The following TPCN2 variants were observed in gnomAD, a reference collection of about 807,000 sequenced individuals.
The protein encoded by TPCN2 is two pore segment channel 2.
A neutral mutation model predicts 111.4 loss-of-function variants in TPCN2; 92 were observed. The ratio of observed to expected loss-of-function variants is 0.83; its 90% CI spans 0.70 to 0.98. The LOEUF is 0.98. Ranked by LOEUF, TPCN2 falls within the 50% of genes least tolerant of loss-of-function variation. The pLI is 0.00. For synonymous variants in TPCN2, 405 were observed against 414.5 expected, an observed-to-expected ratio of 0.98 and a Z score of 0.28; for missense variants, 995 against 980.1, an observed-to-expected ratio of 1.02 and a Z score of -0.20.
intron 2 of TPCN2, 66 bp downstream of exon 2, chr11:69,054,163 C>G: frequency 9.7e-6 from 13 of 1,341,842 alleles, no homozygotes; most frequent in African/African-American, 1.4e-5. Context: ...GCTCGCCCCT[C>G]CAGGGGCGAC....
Position 69,058,169 on chromosome 11 carries a change from C to T in TPCN2, c.546+475C>T, listed in dbSNP as rs776569137. On this transcript the variant is annotated intron_variant, in intron 5 of 24. Coordinates refer to ENST00000294309, the MANE Select transcript of TPCN2 (RefSeq NM_139075.4). ...TTTCCCCTCAGAGCACCCAGAAGCA[C>T]CCCCTGGGCTTTGCGAGAATAGAGC... Among the ~76,000 whole-genome samples, 3 of 152,214 alleles carry T rather than the reference C, an allele frequency of 2.0e-5. No individual in the cohort carries two copies. The South Asian group carries it at 6.2e-4, about 32-fold the overall frequency.
intron 17 of TPCN2, among the ~76,000 whole-genome samples, chr11:69,080,401 T>C (rs1211369754): frequency 6.6e-6 from 1 of 152,244 alleles, no homozygotes; most frequent in East Asian, 1.9e-4. Context: ...GGCTGTGTGC[T>C]GATTCACCAC....
intron 23 of TPCN2, 57 bp downstream of exon 23, chr11:69,086,661 T>C: frequency 6.5e-7 from 1 of 1,543,204 alleles, no homozygotes. Context: ...TAATTCACTC[T>C]CGATGGGCCT....
rs570135421 is a variant in TPCN2 at position 69,065,306 on chromosome 11, G to A, written c.726+1339G>A. Reference sequence around the variant, plus strand: ...CCAGAGCCTGTACCAGGTGGATGGCGTCAGTGTGGGTGCTGGAAGTGGCAA... The same window carrying A: ...CCAGAGCCTGTACCAGGTGGATGGCATCAGTGTGGGTGCTGGAAGTGGCAA... On this transcript the variant is annotated intron_variant, in intron 7 of 24. Coordinates refer to ENST00000294309, the MANE Select transcript of TPCN2 (RefSeq NM_139075.4). Among the ~76,000 whole-genome samples, 45 of 152,330 alleles carry A rather than the reference G, an allele frequency of 3.0e-4. 1 individual carries two copies. In the South Asian group the frequency reaches 8.7e-3, roughly 29 times the overall value.
At chr11:69,083,676 G>A (rs905836078) in intron 18 of TPCN2, among the ~76,000 whole-genome samples, 3 of 152,148 alleles carry the variant, frequency 2.0e-5, no homozygotes, top group Non-Finnish European at 4.4e-5. Flanking sequence ...AGTGCGTGCG[G>A]GTGGCGATGC....
chr11:69,055,673 T>C (rs1015485219), intron 4 of TPCN2, among the ~76,000 whole-genome samples: 7 of 151,248 alleles, frequency 4.6e-5, no homozygotes, highest in Non-Finnish European at 8.8e-5. Context: ...TGCCGTCAGC[T>C]CTCCTCCCTC....
chr11:69,086,636 A>G (rs776825530), intron 23 of TPCN2, 32 bp downstream of exon 23: 19 of 1,603,636 alleles, frequency 1.2e-5, no homozygotes, highest in Admixed American at 3.3e-5. Context: ...GCTGTTCTCC[A>G]TGGTCGTTTG....
In TPCN2 at chr11:69,057,589, C is replaced by T. The variant is rs747157297; in HGVS notation, c.441C>T (p.Phe147=). 1.1e-5 allele frequency: 18 copies of T among 1,614,046 alleles called. No homozygotes were observed. The highest frequency in any genetic ancestry group is 1.3e-5 in the African/African-American group (1 of 74,938). The change falls in exon 5 of 25, where the codon TTC becomes TTT. Residue 147 remains phenylalanine (F), a synonymous_variant. Transcript: ENST00000294309. ...AADLSVKGYL[F]GWAHFQKNLW... is the part of the protein sequence containing the mutation. The stretch of plus-strand genomic sequence containing the variant: ...CGTCTATCTTGCAGGGTTACCTGTT[C>T]GGGTGGGCCCATTTCCAGAAAAACC...
chr11:69,076,465 G>A (rs764800789), intron 13 of TPCN2, among the ~76,000 whole-genome samples: 10 of 152,094 alleles, frequency 6.6e-5, no homozygotes, highest in Non-Finnish European at 1.3e-4. Flanking sequence ...TATGTGTCTC[G>A]GACAGAGCGT....
intron 17 of TPCN2, among the ~76,000 whole-genome samples, 167 bp from the exon 18 acceptor site, chr11:69,081,233 C>G (rs1203253448): frequency 6.6e-6 from 1 of 152,128 alleles, no homozygotes; most frequent in Non-Finnish European, 1.5e-5. Context: ...GCCCCGCCCT[C>G]TCGCCACCCT....
chr11:69,079,143 C>A, intron 16 of TPCN2, 123 bp downstream of exon 16: 1 of 1,312,884 alleles, frequency 7.6e-7, no homozygotes, highest in Non-Finnish European at 1.0e-6. Flanking sequence ...TGGGCTTCTG[C>A]TCTCAGTGGT....
chr11:69,087,322 C>T (rs1424733006), intron 24 of TPCN2, 116 bp downstream of exon 24: 13 of 847,408 alleles, frequency 1.5e-5, no homozygotes, highest in Non-Finnish European at 2.4e-5. Context: ...CCCCTCCGCC[C>T]GGTTATCTGG....
In TPCN2 at chr11:69,062,780, C is replaced by T. The variant is rs534042861; in HGVS notation, c.547-104C>T. 162 of 1,095,902 alleles carry T rather than the reference C, an allele frequency of 1.5e-4. 1 individual carries two copies. The South Asian group carries it at 2.1e-3, about 14-fold the overall frequency. 67.9% of individuals were successfully genotyped at this position (1,095,902 alleles called of 1,614,324 possible). ...TTGGGCTCAGTGACTCTGGAGTGGC[C>T]CCCAGGGCACTGGGGTCTCTGAACC... On this transcript the variant is annotated intron_variant, in intron 5 of 24. Coordinates refer to ENST00000294309, the MANE Select transcript of TPCN2 (RefSeq NM_139075.4).
intron 6 of TPCN2, among the ~76,000 whole-genome samples, chr11:69,063,462 G>C (rs527976709): frequency 2.2e-4 from 34 of 152,132 alleles, no homozygotes; most frequent in African/African-American, 7.5e-4. Context: ...CTGCGCCCCA[G>C]GCCCAGCCTC....
intron 7 of TPCN2, among the ~76,000 whole-genome samples, chr11:69,065,339 G>A (rs983950699): frequency 1.3e-5 from 2 of 152,214 alleles, no homozygotes; most frequent in African/African-American, 4.8e-5. Flanking sequence ...CAACAGCCTC[G>A]GCCTTGAGGC....
At chr11:69,082,338 TCA>T (rs1856050498) in intron 18 of TPCN2, among the ~76,000 whole-genome samples, 1 of 152,116 alleles carries the variant, frequency 6.6e-6, no homozygotes, top group African/African-American at 2.4e-5. Context: ...ACACACACAA[TCA>T]CAGGCACACA....
intron 13 of TPCN2, among the ~76,000 whole-genome samples, chr11:69,075,358 T>C (rs1855708058): frequency 6.6e-6 from 1 of 152,226 alleles, no homozygotes. Flanking sequence ...AGTGTTTGCA[T>C]GTAACCTACA....
chr11:69,087,963 TGCCGTCCCAGCA>T lies in TPCN2; in HGVS notation c.*12_*23del, dbSNP rs754045540. 15 of 1,603,616 alleles carry T rather than the reference TGCCGTCCCAGCA, an allele frequency of 9.4e-6. No individual in the cohort carries two copies. The South Asian group carries it at 1.7e-4, about 18-fold the overall frequency. On this transcript the variant is annotated 3_prime_UTR_variant, in exon 25 of 25. Coordinates refer to ENST00000294309, the MANE Select transcript of TPCN2 (RefSeq NM_139075.4). ...GTGGCTGTGCAGGTGACGTCCGGGC[TGCCGTCCCAGCA>T]GGGGCGGCAGGAGAGAGAGGCTGGC...
intron 13 of TPCN2, among the ~76,000 whole-genome samples, chr11:69,075,402 A>G (rs914030294): frequency 2.0e-5 from 3 of 152,254 alleles, no homozygotes; most frequent in South Asian, 4.1e-4. Flanking sequence ...TCATTTCTAG[A>G]CTACTTGGAA....
Sources: gnomAD v4.1 joint callset for allele counts (sites outside exome capture counted in the v4.1 genomes callset) on GRCh38, gnomAD v4.1.1 for gene constraint, MANE v1.5 for transcripts, NCBI Gene and HGNC (gene_info 2026-07-23, HGNC 2026-07-21) for gene names.